Variants in PKD1L1 observed in about 807,000 individuals in gnomAD.
The protein encoded by PKD1L1 is polycystin-1-like protein 1.
Under a neutral mutation model 323.4 loss-of-function variants are expected in PKD1L1, and 236 were observed. That is an observed-to-expected ratio of 0.73 (90% CI 0.66 to 0.81). The LOEUF (loss-of-function observed/expected upper bound fraction) is 0.81, where lower values mean the gene tolerates loss of function less well. Among genes scored for constraint, PKD1L1 ranks in the 40% least tolerant of loss-of-function variants. The probability of loss-of-function intolerance (pLI) is 0.00; values close to 1 mark genes in which losing one functional copy is unlikely to be tolerated. For missense variants in PKD1L1, 3,320 were observed against 3,508.0 expected, an observed-to-expected ratio of 0.95 and a Z score of 1.35; for synonymous variants, 1,344 against 1,335.0, an observed-to-expected ratio of 1.01 and a Z score of -0.15.
At chr7:47,885,569 C>G in intron 18 of PKD1L1, 117 bp downstream of exon 18, 22 of 1,380,004 alleles carry the variant, frequency 1.6e-5, no homozygotes, top group Non-Finnish European at 9.8e-7. Context: ...CTGGCGCTTT[C>G]TGATTTAAAG....
chr7:47,783,221 T>G (rs1289958292), intron 56 of PKD1L1, among the ~76,000 whole-genome samples: 1 of 152,252 alleles, frequency 6.6e-6, no homozygotes, highest in Non-Finnish European at 1.5e-5. Flanking sequence ...TATTACTTGA[T>G]CTTTTCCACA....
intron 26 of PKD1L1, among the ~76,000 whole-genome samples, chr7:47,863,944 G>A (rs1459183706): frequency 6.6e-6 from 1 of 152,174 alleles, no homozygotes; most frequent in Non-Finnish European, 1.5e-5. Flanking sequence ...CTGTGAAGAG[G>A]AACATGAAAA....
chr7:47,877,585 G>C lies in PKD1L1; in HGVS notation c.3567C>G (p.Val1189=). Residue 1189 remains valine, a synonymous_variant, in exon 22 of 57, where the codon GTC becomes GTG. Transcript: ENST00000289672. ...LLGKAQLYLT[V]NPAPRDMACQ... Reference sequence around the variant, plus strand: ...AGGCCATGTCCCGAGGAGCCGGGTTGACTGTCAAGTACAGCTGAGCTTTAC... The same window carrying C: ...AGGCCATGTCCCGAGGAGCCGGGTTCACTGTCAAGTACAGCTGAGCTTTAC... 6.2e-7 allele frequency: 1 copy of C among 1,614,182 alleles called. No individual in the cohort carries two copies. The highest frequency in any genetic ancestry group is 1.1e-5 in the South Asian group (1 of 91,078).
intron 33 of PKD1L1, among the ~76,000 whole-genome samples, chr7:47,844,327 T>C (rs1272063654): frequency 6.6e-6 from 1 of 152,208 alleles, no homozygotes; most frequent in African/African-American, 2.4e-5. Context: ...TTTCTTACTA[T>C]ATGAATATAA....
At chr7:47,894,979 T>C (rs1379639348) in intron 14 of PKD1L1, among the ~76,000 whole-genome samples, 1 of 152,164 alleles carries the variant, frequency 6.6e-6, no homozygotes, top group East Asian at 1.9e-4. Flanking sequence ...TGCTGATCAG[T>C]CTCCTGAGTA....
chr7:47,790,910 T>G (rs1786930206), intron 56 of PKD1L1, among the ~76,000 whole-genome samples: 1 of 152,020 alleles, frequency 6.6e-6, no homozygotes, highest in African/African-American at 2.4e-5. Context: ...GTTTTGTTTT[T>G]TTCTTTGGAG....
chr7:47,800,707 G>T lies in PKD1L1; in HGVS notation c.8135C>A (p.Ala2712Asp), dbSNP rs1327322449. 6 of 1,614,090 alleles carry T rather than the reference G, an allele frequency of 3.7e-6. No homozygotes were observed. The highest frequency in any genetic ancestry group is 2.2e-5 in the East Asian group (1 of 44,888). ...AAGGATCCCAAAGTAACAAGCCATG[G>T]CCCGCTGGTCAGACTTGGAAAGGCC... ...LLGLSKSDQR[A>D]MACYFGILLI... is the part of the protein sequence containing the mutation. The change falls in exon 54 of 57, where the codon GCC becomes GAC. Residue 2712 changes from alanine (A) to aspartate (D), a missense_variant. Ala to Asp is a moderately radical substitution (Grantham distance 126). Transcript: ENST00000289672.
chr7:47,902,742 C>T (rs1185371999), intron 12 of PKD1L1, among the ~76,000 whole-genome samples: 8 of 152,236 alleles, frequency 5.3e-5, no homozygotes, highest in African/African-American at 1.9e-4. Context: ...AAGTACCAAA[C>T]TCCCAGACCG....
chr7:47,927,414 C>T (rs981146252), intron 7 of PKD1L1, among the ~76,000 whole-genome samples: 6 of 151,956 alleles, frequency 3.9e-5, no homozygotes, highest in African/African-American at 9.7e-5. Context: ...AAGTAGGGCG[C>T]GCCACCACGC....
chr7:47,943,163 AATATATATATATATATATATATAT>A (rs60168291), intron 2 of PKD1L1, among the ~76,000 whole-genome samples: 1 of 34,150 alleles, frequency 2.9e-5, no homozygotes, highest in African/African-American at 1.0e-4. Context: ...AAAAAAAAAA[AATATATATATATATATATATATAT>A]ATATATATAT....
At chr7:47,910,826 T>TTTTGTGTGTGTG (rs762737755) in intron 8 of PKD1L1, among the ~76,000 whole-genome samples, 8 of 126,082 alleles carry the variant, frequency 6.3e-5, no homozygotes, top group African/African-American at 2.7e-4. Context: ...CCAGCTGATT[T>TTTTGTGTGTGTG]TGTGTGTGTG....
chr7:47,782,289 T>G (rs1318107828), intron 56 of PKD1L1, among the ~76,000 whole-genome samples: 1 of 152,172 alleles, frequency 6.6e-6, no homozygotes, highest in Admixed American at 6.6e-5. Context: ...ATAATTACAT[T>G]TCCTTACTCC....
At chr7:47,943,040 G>A (rs1046544268) in intron 2 of PKD1L1, among the ~76,000 whole-genome samples, 4 of 151,412 alleles carry the variant, frequency 2.6e-5, no homozygotes, top group African/African-American at 9.7e-5. Flanking sequence ...CAGCTACTCA[G>A]GAGGCTGAGG....
chr7:47,798,625 C>G, intron 54 of PKD1L1, among the ~76,000 whole-genome samples: 1 of 151,848 alleles, frequency 6.6e-6, no homozygotes, highest in Non-Finnish European at 1.5e-5. Flanking sequence ...TGTGGTGGCA[C>G]ACGCCTGTAA....
intron 52 of PKD1L1, among the ~76,000 whole-genome samples, chr7:47,806,299 A>G (rs1784776472): frequency 6.6e-6 from 1 of 152,218 alleles, no homozygotes; most frequent in African/African-American, 2.4e-5. Context: ...GTGACTAATC[A>G]GATGCTCTTG....
intron 56 of PKD1L1, among the ~76,000 whole-genome samples, chr7:47,779,794 C>T (rs1786649283): frequency 1.3e-5 from 2 of 152,174 alleles, no homozygotes; most frequent in Admixed American, 1.3e-4. Flanking sequence ...TGCAGAAGCT[C>T]AGATGCCTTC....
chr7:47,775,157 T>A lies in PKD1L1; in HGVS notation c.8536A>T (p.Ile2846Phe). 1 of 1,614,084 alleles carries A rather than the reference T, an allele frequency of 6.2e-7. No homozygotes were observed. Among genetic ancestry groups the A allele is most frequent in the Non-Finnish European group, 8.5e-7 (1 of 1,179,986 alleles). Residue 2846 changes from isoleucine to phenylalanine, a missense_variant, in exon 57 of 57, where the codon ATC becomes TTC. Physicochemically the swap from Ile to Phe is conservative, Grantham distance 21. Coordinates refer to ENST00000289672, the MANE Select transcript of PKD1L1 (RefSeq NM_138295.5). ...TACCAGGCTCCTCAGAAGTCCTTGATGTCTGCTGGCTAAAAAGAAAAAATG... is the reference window on the plus strand; with the variant it reads ...TACCAGGCTCCTCAGAAGTCCTTGAAGTCTGCTGGCTAAAAAGAAAAAATG... ...SSYQAAEPADIKDF is the reference protein window; with the variant it reads ...SSYQAAEPADFKDF
At position 47,775,115 on chromosome 7, in the gene PKD1L1, ATAGTG is replaced by A; in HGVS notation, c.*23_*27del. On this transcript the variant is annotated 3_prime_UTR_variant, in exon 57 of 57. Coordinates refer to ENST00000289672, the MANE Select transcript of PKD1L1 (RefSeq NM_138295.5). ...GGGTGGGTTAAGCAAAACAGGGTCC[ATAGTG>A]CCTATGCAAGGTACCAGGCTCCTCA... The A allele has an allele frequency of 6.2e-7, 1 of 1,612,274 alleles. No individual in the cohort carries two copies. The highest frequency in any genetic ancestry group is 8.5e-7 in the Non-Finnish European group (1 of 1,179,252).
At chr7:47,819,467 T>G in intron 46 of PKD1L1, 1 of 1,165,070 alleles carries the variant, frequency 8.6e-7, no homozygotes, top group Non-Finnish European at 1.1e-6. Context: ...GATTTCCATT[T>G]CCATTGAGGA....
Sources: allele counts gnomAD v4.1 joint callset (sites outside exome capture counted in the v4.1 genomes callset), GRCh38; gene constraint gnomAD v4.1.1; transcripts MANE v1.5; gene names NCBI Gene and HGNC (gene_info 2026-07-23, HGNC 2026-07-21).